The following DAB1 variants were observed in gnomAD, a reference collection of about 807,000 sequenced individuals.
The protein encoded by DAB1 is DAB adaptor protein 1.
Under a neutral mutation model 64.6 loss-of-function variants are expected in DAB1, and 15 were observed. The ratio of observed to expected loss-of-function variants is 0.23; its 90% CI spans 0.16 to 0.36. The LOEUF is 0.36. DAB1 is among the 10% of genes least tolerant of loss of function. The probability of loss-of-function intolerance (pLI) is 1.00; values close to 1 mark genes in which losing one functional copy is unlikely to be tolerated. For synonymous variants in DAB1, 235 were observed against 251.9 expected (o/e 0.93, Z 0.64); for missense variants, 596 against 706.7 (o/e 0.84, Z 1.78).
chr1:57,324,691 C>G (rs780876407), intron 1 of DAB1, among the ~76,000 whole-genome samples: 1 of 152,152 alleles, frequency 6.6e-6, no homozygotes, highest in Non-Finnish European at 1.5e-5. Flanking sequence ...TGCCTCATCA[C>G]TAGCAGCCCC....
At chr1:57,083,942 G>A (rs1349283917) in intron 4 of DAB1, among the ~76,000 whole-genome samples, 2 of 152,208 alleles carry the variant, frequency 1.3e-5, no homozygotes, top group Non-Finnish European at 2.9e-5. Flanking sequence ...CGAATTAAAT[G>A]TGATTATGCT....
At chr1:57,604,610 A>G (rs1558533293) in intron 7 of DAB1, among the ~76,000 whole-genome samples, 1 of 152,172 alleles carries the variant, frequency 6.6e-6, no homozygotes, top group Non-Finnish European at 1.5e-5. Flanking sequence ...TAATAAATAC[A>G]GTCACTAAGT....
chr1:57,760,625 CACACACACACACACACAG>C (rs1354322237), intron 6 of DAB1, among the ~76,000 whole-genome samples: 3 of 51,608 alleles, frequency 5.8e-5, no homozygotes, highest in African/African-American at 2.2e-4. Flanking sequence ...CTCTCTCACA[CACACACACACACACACAG>C]ACACACACAC....
intron 1 of DAB1, among the ~76,000 whole-genome samples, chr1:57,877,245 T>C (rs1644061630): frequency 6.6e-6 from 1 of 152,202 alleles, no homozygotes; most frequent in Admixed American, 6.5e-5. Context: ...TTTGAATTTT[T>C]TAATCAGTTC....
In DAB1 at chr1:58,187,583, T is replaced by C. The variant is rs576867038; in HGVS notation, n.310-36995A>G. Among the ~76,000 whole-genome samples the C allele has an allele frequency of 5.4e-5, 8 of 149,076 alleles. No homozygotes were observed. In the East Asian group the frequency reaches 1.6e-3, roughly 29 times the overall value. On this transcript the variant is annotated intron_variant and non_coding_transcript_variant, in intron 4 of 20. Coordinates refer to the DAB1 transcript ENST00000485760. The stretch of plus-strand genomic sequence containing the variant: ...ATTTTATATATTATTATTATTATTA[T>C]TATTATAATTTTTGAGAAAGAGTTG...
intron 3 of DAB1, among the ~76,000 whole-genome samples, chr1:58,347,637 C>G (rs1644014156): frequency 6.6e-6 from 1 of 152,208 alleles, no homozygotes; most frequent in Non-Finnish European, 1.5e-5. Context: ...TATTCAACTC[C>G]TCTGCACTCA....
chr1:57,828,481 CTG>C (rs1234181439), intron 1 of DAB1, among the ~76,000 whole-genome samples: 1 of 152,050 alleles, frequency 6.6e-6, no homozygotes. Flanking sequence ...TCTTTGTGTT[CTG>C]GCTTTTCCCC....
In DAB1 at chr1:57,060,167, T is replaced by TTTA. The variant is rs1179994574; in HGVS notation, c.723+2716_723+2717insTAA. 2.8e-3 allele frequency among the ~76,000 whole-genome samples: 410 copies of TTTA among 144,954 alleles called. 4 individuals carry two copies. The highest frequency in any genetic ancestry group is 0.011 in the African/African-American group (401 of 36,020). On this transcript the variant is annotated intron_variant, in intron 9 of 14. Coordinates refer to ENST00000371236, the MANE Select transcript of DAB1 (RefSeq NM_001365792.1). ...TTTATTTTATTTTATTTTATTTTAT[T>TTTA]TGAGACGGAGTTTGGCTCTGTCACC...
At chr1:58,230,439 G>C (rs1659722583) in intron 4 of DAB1, among the ~76,000 whole-genome samples, 1 of 152,104 alleles carries the variant, frequency 6.6e-6, no homozygotes, top group African/African-American at 2.4e-5. Context: ...TTTGTTCCTG[G>C]AGCCACAGAA....
intron 1 of DAB1, among the ~76,000 whole-genome samples, chr1:57,413,379 A>T (rs1022280225): frequency 6.6e-6 from 1 of 152,210 alleles, no homozygotes; most frequent in South Asian, 2.1e-4. Context: ...TCATAAGGCT[A>T]TAGCTGCCAT....
chr1:57,289,684 G>A (rs1001680325), intron 2 of DAB1, among the ~76,000 whole-genome samples: 1 of 152,132 alleles, frequency 6.6e-6, no homozygotes, highest in Admixed American at 6.6e-5. Context: ...TAACTGGGCA[G>A]GCACAACGAT....
chr1:58,498,077 A>C (rs1171110969), intron 3 of DAB1, among the ~76,000 whole-genome samples: 1 of 152,124 alleles, frequency 6.6e-6, no homozygotes, highest in African/African-American at 2.4e-5. Flanking sequence ...TTTATATCAA[A>C]ATACTTCTGA....
chr1:57,296,495 C>A lies in DAB1; in HGVS notation c.-136-5329G>T, dbSNP rs181659416. On this transcript the variant is annotated intron_variant, in intron 1 of 14. Coordinates refer to ENST00000371236, the MANE Select transcript of DAB1 (RefSeq NM_001365792.1). ...GAATTATTTCAGAGCTGGCGCATGG[C>A]AGGTACAAAATGAGCCTGAAATATC... Among the ~76,000 whole-genome samples the A allele has an allele frequency of 2.6e-5, 4 of 152,042 alleles. No homozygotes were observed. In the East Asian group the frequency reaches 7.7e-4, roughly 29 times the overall value.
chr1:57,260,426 C>T (rs1431808916), intron 2 of DAB1, among the ~76,000 whole-genome samples: 1 of 152,152 alleles, frequency 6.6e-6, no homozygotes, highest in Non-Finnish European at 1.5e-5. Flanking sequence ...GATGATAAAA[C>T]CAAGGCTTCA....
At chr1:57,561,631 G>A (rs1014584252) in intron 7 of DAB1, among the ~76,000 whole-genome samples, 2 of 152,204 alleles carry the variant, frequency 1.3e-5, no homozygotes, top group African/African-American at 4.8e-5. Flanking sequence ...GACCTGTTCT[G>A]TGGACACCAC....
At chr1:57,046,438 C>A (rs1408909036) in intron 9 of DAB1, among the ~76,000 whole-genome samples, 2 of 152,084 alleles carry the variant, frequency 1.3e-5, no homozygotes, top group Non-Finnish European at 2.9e-5. Context: ...TTTTTTTACA[C>A]TAGACTTTGT....
At chr1:57,110,277 A>G (rs1338143040) in intron 4 of DAB1, among the ~76,000 whole-genome samples, 1 of 152,216 alleles carries the variant, frequency 6.6e-6, no homozygotes, top group Non-Finnish European at 1.5e-5. Context: ...AATATTCTCA[A>G]TTCAGGCTCA....
chr1:57,858,993 T>C (rs540401474), intron 1 of DAB1, among the ~76,000 whole-genome samples: 1 of 152,036 alleles, frequency 6.6e-6, no homozygotes, highest in Non-Finnish European at 1.5e-5. Context: ...CCTCTCCTCT[T>C]GCTAAGAACC....
chr1:57,117,353 G>A lies in DAB1; in HGVS notation c.306+19190C>T, dbSNP rs1656228973. On this transcript the variant is annotated intron_variant, in intron 4 of 14. Transcript: ENST00000371236. ...ACACTTTCACTTATATCACATTGGA[G>A]CCGCATAACTACTCTGCGAAGCAGG... Among the ~76,000 whole-genome samples, 3 of 152,294 alleles carry A rather than the reference G, an allele frequency of 2.0e-5. No individual in the cohort carries two copies. In the South Asian group the frequency reaches 6.2e-4, roughly 32 times the overall value.
Sources: gnomAD v4.1 joint callset for allele counts (sites outside exome capture counted in the v4.1 genomes callset) on GRCh38, gnomAD v4.1.1 for gene constraint, MANE v1.5 for transcripts, NCBI Gene and HGNC (gene_info 2026-07-23, HGNC 2026-07-21) for gene names.